The following ABCA13 variants were observed in gnomAD, a reference collection of about 807,000 sequenced individuals.
ABCA13 encodes the protein ATP binding cassette subfamily A member 13.
ABCA13 carries 476 observed loss-of-function variants against 478.7 expected under a neutral mutation model. That is an observed-to-expected ratio of 0.99 (90% CI 0.92 to 1.07). The LOEUF (loss-of-function observed/expected upper bound fraction) is 1.07, where lower values mean the gene tolerates loss of function less well. Among genes scored for constraint, ABCA13 ranks in the 50% least tolerant of loss-of-function variants. The pLI, the probability that ABCA13 is intolerant of heterozygous loss-of-function variation, is 0.00. For synonymous variants in ABCA13, 2,252 were observed against 2,158.9 expected (o/e 1.04, Z -1.20); for missense variants, 6,060 against 5,910.6 (o/e 1.03, Z -0.83).
chr7:48,524,430 C>A lies in ABCA13; in HGVS notation c.14234C>A (p.Pro4745Gln). 7 of 1,603,846 alleles carry A rather than the reference C, an allele frequency of 4.4e-6. No individual in the cohort carries two copies. Among genetic ancestry groups the A allele is most frequent in the South Asian group, 1.1e-5 (1 of 88,524 alleles). The change falls in exon 54 of 62, where the codon CCA (proline) becomes CAA (glutamine). Residue 4745 changes from proline to glutamine, a missense_variant. Pro to Gln is a moderately conservative substitution (Grantham distance 76, BLOSUM62 -1). Coordinates refer to ENST00000435803, the MANE Select transcript of ABCA13 (RefSeq NM_152701.5). The stretch of plus-strand genomic sequence containing the variant: ...GTGCAAGATATTAGTTTGGGCATAC[C>A]AAAAGGAGAGGTAATGAAGCTTCTA... ...IAVQDISLGIPKGECFGLLGV... is the reference protein window; with the variant it reads ...IAVQDISLGIQKGECFGLLGV...
At chr7:48,335,644 G>C (rs1806142789) in intron 28 of ABCA13, 109 bp downstream of exon 28, 4 of 690,658 alleles carry the variant, frequency 5.8e-6, no homozygotes, top group Non-Finnish European at 9.1e-6. Context: ...CAGGCATAGT[G>C]GTTCTAGTTG....
At chr7:48,411,013 TTC>T (rs1329474483) in intron 40 of ABCA13, among the ~76,000 whole-genome samples, 2 of 115,496 alleles carry the variant, frequency 1.7e-5, no homozygotes, top group Non-Finnish European at 1.9e-5. Flanking sequence ...CTTTCTTTCT[TTC>T]TTTCTTTCTT....
intron 15 of ABCA13, among the ~76,000 whole-genome samples, chr7:48,267,596 T>C (rs138694925): frequency 1.3e-5 from 2 of 152,306 alleles, no homozygotes; most frequent in East Asian, 3.9e-4. Flanking sequence ...TTTGAGCATG[T>C]AAATTATATA....
In ABCA13 at chr7:48,296,464, C is replaced by T. The variant is rs1799382368; in HGVS notation, c.9119+601C>T. ...AGCAAATATTTTTCTTTTCTTTTCT[C>T]TTTTTTTTTTTTTGAGATGGAGTCT... On this transcript the variant is annotated intron_variant, in intron 21 of 61. Coordinates refer to ENST00000435803, the MANE Select transcript of ABCA13 (RefSeq NM_152701.5). 2.1e-5 allele frequency among the ~76,000 whole-genome samples: 3 copies of T among 143,546 alleles called. No homozygotes were observed. In the South Asian group the frequency reaches 6.7e-4, roughly 32 times the overall value. The allele number at this position is 143,546 out of a possible 152,430, so 94.2% of individuals were successfully genotyped here.
chr7:48,229,223 A>G (rs371627808), intron 6 of ABCA13, among the ~76,000 whole-genome samples: 2 of 151,952 alleles, frequency 1.3e-5, no homozygotes, highest in East Asian at 1.9e-4. Flanking sequence ...ATATTTATTT[A>G]TAAAATAAAA....
At chr7:48,252,003 G>C (rs2128698806) in intron 15 of ABCA13, among the ~76,000 whole-genome samples, 1 of 152,206 alleles carries the variant, frequency 6.6e-6, no homozygotes, top group South Asian at 2.1e-4. Flanking sequence ...GGCTTCGTAT[G>C]GGTCTCTTTG....
chr7:48,487,971 G>GT (rs1829496132), intron 47 of ABCA13, among the ~76,000 whole-genome samples: 1 of 152,120 alleles, frequency 6.6e-6, no homozygotes, highest in South Asian at 2.1e-4. Flanking sequence ...TGTTGCTGTA[G>GT]TTTTTTTGTT....
rs543715106 is a variant in ABCA13, at chr7:48,412,876, A to C, written c.12459+293A>C. On this transcript the variant is annotated intron_variant, in intron 41 of 61. Transcript: ENST00000435803. ...GTGCAGGCTGGAGTGCAGTGGCGCT[A>C]TCTCGGCTCACTGCAAGCTCTGCCT... Among the ~76,000 whole-genome samples, 10 of 151,028 alleles carry C rather than the reference A, an allele frequency of 6.6e-5. 1 individual carries two copies. In the South Asian group the frequency reaches 2.1e-3, roughly 32 times the overall value.
At chr7:48,177,222 C>T (rs1794998433) in intron 1 of ABCA13, among the ~76,000 whole-genome samples, 1 of 152,224 alleles carries the variant, frequency 6.6e-6, no homozygotes, top group Non-Finnish European at 1.5e-5. Flanking sequence ...AGCTCATCAA[C>T]TATTTGTTGT....
intron 56 of ABCA13, among the ~76,000 whole-genome samples, chr7:48,586,728 A>C (rs1436313802): frequency 6.6e-6 from 1 of 152,176 alleles, no homozygotes; most frequent in Non-Finnish European, 1.5e-5. Context: ...TGAATCTAAA[A>C]TAATAAAGAA....
chr7:48,182,786 G>A (rs1403674517), intron 1 of ABCA13, among the ~76,000 whole-genome samples: 2 of 152,178 alleles, frequency 1.3e-5, no homozygotes, highest in African/African-American at 4.8e-5. Context: ...ATGTTTGGAA[G>A]CCTCGACTCC....
At chr7:48,518,323 T>C (rs1832283773) in intron 52 of ABCA13, among the ~76,000 whole-genome samples, 1 of 152,164 alleles carries the variant, frequency 6.6e-6, no homozygotes, top group Non-Finnish European at 1.5e-5. Context: ...ATAATCCTAT[T>C]GGTGAGGAAC....
chr7:48,571,395 T>C (rs745390530), intron 55 of ABCA13, among the ~76,000 whole-genome samples: 4 of 152,204 alleles, frequency 2.6e-5, no homozygotes, highest in East Asian at 1.9e-4. Context: ...TCAGTTTTTG[T>C]TGAGCTGTGA....
chr7:48,269,023 G>A lies in ABCA13; in HGVS notation c.2049G>A (p.Trp683Ter), dbSNP rs754120101. 6.2e-7 allele frequency: 1 copy of A among 1,601,658 alleles called. No individual in the cohort carries two copies. The highest frequency in any genetic ancestry group is 8.5e-7 in the Non-Finnish European group (1 of 1,170,924). ...ESPCFEENMD[W>*]KMISDNYFQF... ...CTTGTTTTGAAGAAAACATGGATTG[G>A]AAAATGATCAGTGATAATTATTTTC... Residue 683 changes from tryptophan (W) to a stop codon, truncating the protein, a stop_gained, in exon 16 of 62, where the codon TGG becomes TGA. Coordinates refer to ENST00000435803, the MANE Select transcript of ABCA13 (RefSeq NM_152701.5). LOFTEE classifies it high-confidence loss of function.
chr7:48,278,328 G>A lies in ABCA13; in HGVS notation c.7134G>A (p.Lys2378=), dbSNP rs757585581. The A allele has an allele frequency of 5.0e-6, 8 of 1,612,758 alleles. No individual in the cohort carries two copies. Among genetic ancestry groups the A allele is most frequent in the Non-Finnish European group, 5.9e-6 (7 of 1,179,252 alleles). Residue 2378 remains lysine (K), a synonymous_variant, in exon 18 of 62, where the codon AAG becomes AAA. Coordinates refer to ENST00000435803, the MANE Select transcript of ABCA13 (RefSeq NM_152701.5). ...ALLRETSMKN[K]TENNIDFFTV... ...TCAGGGAAACTTCAATGAAAAATAA[G>A]ACTGAAAATAATATAGACTTTTTCA...
intron 29 of ABCA13, among the ~76,000 whole-genome samples, chr7:48,339,873 G>A (rs528988234): frequency 1.6e-4 from 25 of 152,220 alleles, no homozygotes; most frequent in African/African-American, 4.6e-4. Flanking sequence ...GTGGGGTGGC[G>A]GTGGGGGATT....
At chr7:48,508,753 C>T (rs1055522056) in intron 50 of ABCA13, among the ~76,000 whole-genome samples, 1 of 152,094 alleles carries the variant, frequency 6.6e-6, no homozygotes, top group South Asian at 2.1e-4. Flanking sequence ...AGTGGAAGGC[C>T]GGAGGTCAAC....
intron 31 of ABCA13, among the ~76,000 whole-genome samples, chr7:48,365,252 A>C (rs1811492215): frequency 6.6e-6 from 1 of 151,518 alleles, no homozygotes; most frequent in African/African-American, 2.4e-5. Context: ...CCTATGTTTT[A>C]ATTGGATTAT....
intron 19 of ABCA13, among the ~76,000 whole-genome samples, chr7:48,287,413 A>G (rs771897819): frequency 6.6e-6 from 1 of 152,184 alleles, no homozygotes; most frequent in Non-Finnish European, 1.5e-5. Flanking sequence ...GGTGCTGGAC[A>G]GACGCACAGA....
Sources: allele counts gnomAD v4.1 joint callset (sites outside exome capture counted in the v4.1 genomes callset), GRCh38; gene constraint gnomAD v4.1.1; transcripts MANE v1.5; gene names NCBI Gene and HGNC (gene_info 2026-07-23, HGNC 2026-07-21).